The following VPS13B variants were observed in gnomAD, a reference collection of about 807,000 sequenced individuals.
The protein encoded by VPS13B is intermembrane lipid transfer protein VPS13B.
In VPS13B, 285 loss-of-function variants were observed where a neutral mutation model predicts 426.4. The ratio of observed to expected loss-of-function variants is 0.67; its 90% CI spans 0.61 to 0.74. The LOEUF (loss-of-function observed/expected upper bound fraction) is 0.74, where lower values mean the gene tolerates loss of function less well. Among genes scored for constraint, VPS13B ranks in the 30% least tolerant of loss-of-function variants. VPS13B has a pLI of 0.00. For missense variants in VPS13B, 4,537 were observed against 4,782.6 expected (o/e 0.95, Z 1.51); for synonymous variants, 1,676 against 1,676.4 (o/e 1.00, Z 0.01).
chr8:99,350,455 G>A (rs1430430337), intron 19 of VPS13B, among the ~76,000 whole-genome samples: 3 of 152,196 alleles, frequency 2.0e-5, no homozygotes, highest in Admixed American at 2.0e-4. Flanking sequence ...GACCAGTAAA[G>A]AGAATGTTGT....
chr8:99,260,145 G>C (rs1317350072), intron 17 of VPS13B, among the ~76,000 whole-genome samples: 1 of 152,102 alleles, frequency 6.6e-6, no homozygotes, highest in Non-Finnish European at 1.5e-5. Context: ...AAGTGAACTG[G>C]AAGGTGGTTA....
At chr8:99,679,192 A>G (rs1831058163) in intron 35 of VPS13B, among the ~76,000 whole-genome samples, 1 of 152,178 alleles carries the variant, frequency 6.6e-6, no homozygotes, top group Non-Finnish European at 1.5e-5. Context: ...CATTTTCACT[A>G]AATTTATCTC....
intron 36 of VPS13B, among the ~76,000 whole-genome samples, chr8:99,707,162 A>T (rs917243153): frequency 5.3e-5 from 8 of 152,188 alleles, no homozygotes; most frequent in Admixed American, 2.0e-4. Flanking sequence ...AAGAACTAAT[A>T]GCAGTAGTTT....
intron 21 of VPS13B, among the ~76,000 whole-genome samples, chr8:99,394,374 G>A (rs888129182): frequency 6.6e-6 from 1 of 152,150 alleles, no homozygotes; most frequent in African/African-American, 2.4e-5. Context: ...TCAGTTAGAA[G>A]CAGACCTTTT....
At chr8:99,609,522 G>A (rs1827751068) in intron 33 of VPS13B, among the ~76,000 whole-genome samples, 1 of 152,138 alleles carries the variant, frequency 6.6e-6, no homozygotes, top group Non-Finnish European at 1.5e-5. Flanking sequence ...CCAATTTGGA[G>A]GAACTGTAGT....
At chr8:99,828,705 C>A (rs562983562) in intron 51 of VPS13B, among the ~76,000 whole-genome samples, 2 of 152,084 alleles carry the variant, frequency 1.3e-5, no homozygotes, top group African/African-American at 4.8e-5. Context: ...ATGGTCTTTA[C>A]ATTTTGGTTT....
chr8:99,755,899 T>C (rs77969097), intron 39 of VPS13B, among the ~76,000 whole-genome samples: 6,990 of 151,926 alleles, frequency 0.046, 170 homozygotes, highest in African/African-American at 0.061. Flanking sequence ...TTATAAAATC[T>C]TATATCATTA....
chr8:99,060,334 C>T (rs779094491), intron 3 of VPS13B, among the ~76,000 whole-genome samples: 9 of 152,078 alleles, frequency 5.9e-5, no homozygotes, highest in Non-Finnish European at 1.3e-4. Flanking sequence ...TTGGGCTAGG[C>T]GTGGTGGTTC....
intron 35 of VPS13B, among the ~76,000 whole-genome samples, chr8:99,666,393 G>A (rs970876032): frequency 7.0e-4 from 106 of 152,154 alleles, no homozygotes; most frequent in Admixed American, 3.9e-4. Context: ...GATGAACATC[G>A]ATGCAAAAAT....
intron 30 of VPS13B, chr8:99,536,883 C>A (rs1404569990): frequency 4.3e-5 from 20 of 465,870 alleles, no homozygotes; most frequent in African/African-American, 1.0e-4. Flanking sequence ...TTTCCAAAAA[C>A]TAGGGAAAAA....
intron 2 of VPS13B, among the ~76,000 whole-genome samples, chr8:99,028,696 G>C (rs1362553074): frequency 7.1e-6 from 1 of 141,012 alleles, no homozygotes; most frequent in Non-Finnish European, 1.6e-5. Flanking sequence ...CCTCCCGGAC[G>C]GGGCGGCTGG....
intron 39 of VPS13B, among the ~76,000 whole-genome samples, chr8:99,764,093 G>A (rs756668796): frequency 5.3e-5 from 8 of 152,162 alleles, no homozygotes; most frequent in Non-Finnish European, 1.0e-4. Context: ...TGTGTTAGGT[G>A]CTAGTAATAT....
chr8:99,553,055 T>G (rs1317790746), intron 30 of VPS13B, among the ~76,000 whole-genome samples: 2 of 152,146 alleles, frequency 1.3e-5, no homozygotes, highest in East Asian at 3.9e-4. Flanking sequence ...TTGTCTTCTA[T>G]TAAATAGATT....
At chr8:99,542,731 T>C (rs79255163) in intron 30 of VPS13B, among the ~76,000 whole-genome samples, 2,197 of 152,250 alleles carry the variant, frequency 0.014, 22 homozygotes, top group Middle Eastern at 0.024. Context: ...ATAGTAAGTG[T>C]TTAAAGAGCA....
chr8:99,152,222 A>G (rs916082262), intron 14 of VPS13B, among the ~76,000 whole-genome samples: 2 of 152,190 alleles, frequency 1.3e-5, no homozygotes, highest in South Asian at 2.1e-4. Context: ...GTTTTCATTT[A>G]ATTCAAAGTA....
intron 14 of VPS13B, among the ~76,000 whole-genome samples, chr8:99,153,577 T>C (rs565655791): frequency 6.6e-6 from 1 of 152,198 alleles, no homozygotes; most frequent in Non-Finnish European, 1.5e-5. Flanking sequence ...GAGTTTCTTA[T>C]AATAAAAGAA....
At chr8:99,257,684 C>A (rs938332641) in intron 17 of VPS13B, among the ~76,000 whole-genome samples, 1 of 152,022 alleles carries the variant, frequency 6.6e-6, no homozygotes, top group Admixed American at 6.6e-5. Context: ...TTTTAAAAAT[C>A]TTTACTGATT....
intron 15 of VPS13B, among the ~76,000 whole-genome samples, chr8:99,158,958 A>C (rs1277154512): frequency 6.6e-6 from 1 of 152,234 alleles, no homozygotes; most frequent in Non-Finnish European, 1.5e-5. Flanking sequence ...CATTCTTCTG[A>C]TAGACCTGGG....
intron 24 of VPS13B, 142 bp downstream of exon 24, chr8:99,467,776 T>A (rs1819189754): frequency 1.1e-6 from 1 of 870,242 alleles, no homozygotes. Flanking sequence ...GTGGTTAGAT[T>A]AAGAATTGCT....
Sources: allele counts gnomAD v4.1 joint callset (sites outside exome capture counted in the v4.1 genomes callset), GRCh38; gene constraint gnomAD v4.1.1; transcripts MANE v1.5; gene names NCBI Gene and HGNC (gene_info 2026-07-23, HGNC 2026-07-21).